The following BCAS3 variants were observed in gnomAD, a reference collection of about 807,000 sequenced individuals.
The protein encoded by BCAS3 is BCAS4/BCAS3 fusion.
A neutral mutation model predicts 116.1 loss-of-function variants in BCAS3; 53 were observed. That is an observed-to-expected ratio of 0.46 (90% CI 0.37 to 0.57). The LOEUF (loss-of-function observed/expected upper bound fraction) is 0.57. Ranked by LOEUF, BCAS3 falls within the 20% of genes least tolerant of loss-of-function variation. The pLI is 0.00. For synonymous variants in BCAS3, 391 were observed against 408.2 expected (o/e 0.96, Z 0.51); for missense variants, 917 against 1,165.4 (o/e 0.79, Z 3.10).
chr17:61,018,705 A>G (rs1600511680), intron 16 of BCAS3, among the ~76,000 whole-genome samples: 1 of 152,214 alleles, frequency 6.6e-6, no homozygotes, highest in Middle Eastern at 3.4e-3. Flanking sequence ...CTGCCTGCAT[A>G]TACACTAACA....
chr17:61,004,171 A>T lies in BCAS3; in HGVS notation c.1487-11580A>T, dbSNP rs1200773204. ...TCCCTAGTTAGGAGGACAGTTAAGTAAGAAATTCTGGTCTGGTTCCACTGA... is the reference window on the plus strand; with the variant it reads ...TCCCTAGTTAGGAGGACAGTTAAGTTAGAAATTCTGGTCTGGTTCCACTGA... On this transcript the variant is annotated intron_variant, in intron 15 of 23. Coordinates refer to ENST00000407086, the MANE Select transcript of BCAS3 (RefSeq NM_017679.5). The surrounding 1 kb of genome is among the most constrained non-coding windows in gnomAD (Gnocchi z 4.8). Among the ~76,000 whole-genome samples the T allele has an allele frequency of 1.3e-5, 2 of 152,164 alleles. No homozygotes were observed. Among genetic ancestry groups the T allele is most frequent in the Non-Finnish European group, 2.9e-5 (2 of 68,032 alleles).
intron 10 of BCAS3, chr17:60,891,695 T>A (rs9303430): frequency 6.6e-6 from 3 of 454,934 alleles, no homozygotes; most frequent in African/African-American, 6.0e-5. Flanking sequence ...CGTGCATGTT[T>A]GTTACACAGG....
At chr17:61,123,497 C>T (rs887656298) in intron 22 of BCAS3, among the ~76,000 whole-genome samples, 12 of 152,062 alleles carry the variant, frequency 7.9e-5, no homozygotes, top group Non-Finnish European at 1.8e-4. Flanking sequence ...GACAAAGACC[C>T]TATCTGTTTT....
At chr17:61,016,919 C>T (rs2065498276) in intron 16 of BCAS3, 1 of 152,084 alleles carries the variant, frequency 6.6e-6, no homozygotes, top group South Asian at 2.1e-4. Context: ...CAGGTATCAC[C>T]ACAACATAGA....
chr17:60,859,317 G>T (rs6504001), intron 7 of BCAS3, among the ~76,000 whole-genome samples: 2 of 151,902 alleles, frequency 1.3e-5, no homozygotes, highest in African/African-American at 4.8e-5. Context: ...GTACCCGATA[G>T]GTAGTTTTTT....
rs2076862367 is a variant in BCAS3 at position 61,140,510 on chromosome 17, A to G, written c.2425+55946A>G. ...GTAACCCTGTTAAGTGGTTATCACAATCAAACATTTACCAAGTAATCACTG... is the reference window on the plus strand; with the variant it reads ...GTAACCCTGTTAAGTGGTTATCACAGTCAAACATTTACCAAGTAATCACTG... On this transcript the variant is annotated intron_variant, in intron 22 of 23. Coordinates refer to ENST00000407086, the MANE Select transcript of BCAS3 (RefSeq NM_017679.5). This position sits in a 1 kb window ranked among gnomAD's most constrained non-coding sequence, Gnocchi z 4.2. 6.6e-6 allele frequency among the ~76,000 whole-genome samples: 1 copy of G among 152,186 alleles called. No individual in the cohort carries two copies. Among genetic ancestry groups the G allele is most frequent in the Admixed American group, 6.5e-5 (1 of 15,280 alleles).
At chr17:60,980,579 G>A (rs2062744076) in intron 14 of BCAS3, 1 of 148,790 alleles carries the variant, frequency 6.7e-6, no homozygotes, top group East Asian at 2.0e-4. Context: ...GTCTCCCAGG[G>A]TAAAATGCAG....
At chr17:60,975,968 T>G (rs1276202871) in intron 14 of BCAS3, among the ~76,000 whole-genome samples, 1 of 151,914 alleles carries the variant, frequency 6.6e-6, no homozygotes, top group East Asian at 1.9e-4. Flanking sequence ...TTAAGTTGTT[T>G]CCACATTTGG....
rs56299790 is a variant in BCAS3 at position 61,108,604 on chromosome 17, G to GTT, written c.2425+24053_2425+24054dup. 7.6e-3 allele frequency among the ~76,000 whole-genome samples: 1,068 copies of GTT among 140,074 alleles called. 7 individuals carry two copies. Among genetic ancestry groups the GTT allele is most frequent in the Middle Eastern group, 0.018 (5 of 278 alleles). 91.9% of individuals were successfully genotyped at this position (140,074 alleles called of 152,430 possible). A position where few individuals can be genotyped will look rare whatever the true frequency, so the allele number is the denominator to read the frequency against. ...ATTCTATCTTGATTTGTCTATAGTG[G>GTT]TTTTTTTTTTTTTTAATTTCAATAG... On this transcript the variant is annotated intron_variant, in intron 22 of 23. Coordinates refer to ENST00000407086, the MANE Select transcript of BCAS3 (RefSeq NM_017679.5).
chr17:60,789,364 TTAAC>T (rs998115401), intron 6 of BCAS3, among the ~76,000 whole-genome samples: 4 of 152,178 alleles, frequency 2.6e-5, no homozygotes, highest in African/African-American at 9.6e-5. Flanking sequence ...GGGATATTAT[TTAAC>T]ATTTTCTGAC....
At chr17:61,329,343 A>ATTATTTTTTTTTTTTTTTTTTTTT (rs1555831750) in intron 22 of BCAS3, among the ~76,000 whole-genome samples, 1 of 131,278 alleles carries the variant, frequency 7.6e-6, no homozygotes, top group Admixed American at 7.8e-5. Context: ...TATTATTATT[A>ATTATTTTTTTTTTTTTTTTTTTTT]TTTTTTTTTT....
rs146584150 is a variant in BCAS3, at chr17:60,767,955, A to C, written c.403+20676A>C. Among the ~76,000 whole-genome samples the C allele has an allele frequency of 2.3e-3, 350 of 152,248 alleles. 6 individuals carry two copies. Among genetic ancestry groups the C allele is most frequent in the East Asian group, 0.017 (88 of 5,164 alleles). On this transcript the variant is annotated intron_variant, in intron 6 of 23. Transcript: ENST00000407086. ...AGCTGGAATGACAGGCATGTGCCAC[A>C]GTACCTGGCTAGTTTTAAATATTTT...
At position 60,824,353 on chromosome 17, in the gene BCAS3, T is replaced by A. The variant is rs935689633; in HGVS notation, c.476+16277T>A. 2.6e-5 allele frequency among the ~76,000 whole-genome samples: 4 copies of A among 152,216 alleles called. No individual in the cohort carries two copies. The East Asian group carries it at 7.7e-4, about 29-fold the overall frequency. On this transcript the variant is annotated intron_variant, in intron 7 of 23. Coordinates refer to ENST00000407086, the MANE Select transcript of BCAS3 (RefSeq NM_017679.5). Reference sequence around the variant, plus strand: ...TTCTGATGAGACCCTTACCTTCAGCTCCTTTCTTCTTTCTTGCTTTTATCA... The same window carrying A: ...TTCTGATGAGACCCTTACCTTCAGCACCTTTCTTCTTTCTTGCTTTTATCA...
At chr17:60,887,247 G>T (rs983867211) in intron 9 of BCAS3, 2 of 151,592 alleles carry the variant, frequency 1.3e-5, no homozygotes, top group African/African-American at 4.9e-5. Flanking sequence ...CTCGGAAAGG[G>T]AACTCCCTGA....
At chr17:60,878,940 G>A (rs1221459577) in intron 9 of BCAS3, among the ~76,000 whole-genome samples, 1 of 152,150 alleles carries the variant, frequency 6.6e-6, no homozygotes, top group Middle Eastern at 3.2e-3. Flanking sequence ...CACTTCATAA[G>A]TAGAAAGAAT....
intron 19 of BCAS3, chr17:61,069,720 C>T (rs1166865767): frequency 5.2e-6 from 3 of 574,630 alleles, no homozygotes; most frequent in Non-Finnish European, 9.2e-6. Flanking sequence ...CGCCTGTAAT[C>T]CCAGCTACTC....
intron 22 of BCAS3, among the ~76,000 whole-genome samples, chr17:61,209,818 T>C (rs929909391): frequency 6.6e-6 from 1 of 152,212 alleles, no homozygotes; most frequent in Non-Finnish European, 1.5e-5. Context: ...GGGTTTAAAG[T>C]GGATGGCCGG....
At chr17:60,959,313 A>G (rs2061302198) in intron 14 of BCAS3, among the ~76,000 whole-genome samples, 1 of 152,144 alleles carries the variant, frequency 6.6e-6, no homozygotes, top group South Asian at 2.1e-4. Flanking sequence ...TCTCAAAAAA[A>G]AAATTTTTTT....
rs367807707 is a variant in BCAS3, at chr17:61,265,339, G to A, written c.2426-102988G>A. On this transcript the variant is annotated intron_variant, in intron 22 of 23. Coordinates refer to ENST00000407086, the MANE Select transcript of BCAS3 (RefSeq NM_017679.5). This position sits in a 1 kb window ranked among gnomAD's most constrained non-coding sequence, Gnocchi z 4.3. ...GAATCGTTCGAACCCGAGAGGCAGA[G>A]GTTGCAGTGAGCCGAGATCGCACCA... Among the ~76,000 whole-genome samples, 55 of 152,136 alleles carry A rather than the reference G, an allele frequency of 3.6e-4. No homozygotes were observed. The South Asian group carries it at 0.011, about 32-fold the overall frequency.
Sources: gnomAD v4.1 joint callset for allele counts (sites outside exome capture counted in the v4.1 genomes callset) on GRCh38, gnomAD v4.1.1 for gene constraint, Gnocchi (gnomAD v3.1) non-coding constraint, MANE v1.5 for transcripts, NCBI Gene and HGNC (gene_info 2026-07-23, HGNC 2026-07-21) for gene names.